Variants in CFAP70 observed in about 807,000 individuals in gnomAD.
The protein encoded by CFAP70 is cilia- and flagella-associated protein 70.
CFAP70 carries 81 observed loss-of-function variants against 137.6 expected under a neutral mutation model. That is an observed-to-expected ratio of 0.59 (90% confidence interval 0.49 to 0.71). The LOEUF is 0.71. CFAP70 is among the 30% of genes least tolerant of loss of function. CFAP70 has a pLI of 0.00. For missense variants in CFAP70, 976 were observed against 1,226.7 expected (o/e 0.80, Z 3.05); for synonymous variants, 382 against 423.6 (o/e 0.90, Z 1.20).
chr10:73,263,322 C>T (rs1388907403), intron 25 of CFAP70, among the ~76,000 whole-genome samples: 1 of 152,126 alleles, frequency 6.6e-6, no homozygotes, highest in Non-Finnish European at 1.5e-5. Context: ...TTCTTAAATT[C>T]CAGGGCTCAA....
intron 3 of CFAP70, among the ~76,000 whole-genome samples, chr10:73,349,732 C>A (rs1227116339): frequency 1.3e-5 from 2 of 152,294 alleles, no homozygotes; most frequent in South Asian, 4.1e-4. Context: ...TTCAAATACA[C>A]AAAGTAGAAT....
intron 6 of CFAP70, among the ~76,000 whole-genome samples, chr10:73,340,179 C>A (rs576743952): frequency 6.6e-6 from 1 of 152,216 alleles, no homozygotes; most frequent in Non-Finnish European, 1.5e-5. Flanking sequence ...CTCCTCTCCA[C>A]AGGCAGGGCG....
chr10:73,298,908 T>C (rs769125901), exon 14 of CFAP70: 2 of 1,613,766 alleles, frequency 1.2e-6, no homozygotes, highest in East Asian at 2.2e-5. Context: ...ATGTTTTACC[T>C]TGAGTTGTTC....
At chr10:73,269,736 T>C (rs763789005) in intron 24 of CFAP70, 21 bp from the exon 26 acceptor site, 2 of 1,531,318 alleles carry the variant, frequency 1.3e-6, no homozygotes, top group South Asian at 1.1e-5. Context: ...AAATGAGACA[T>C]GTGAGTTAGC....
At chr10:73,344,456 C>G (rs901961825) in intron 5 of CFAP70, among the ~76,000 whole-genome samples, 7 of 152,224 alleles carry the variant, frequency 4.6e-5, no homozygotes, top group Admixed American at 3.9e-4. Flanking sequence ...GATCAGCCAT[C>G]TCATTTGCCT....
At chr10:73,296,664 A>G (rs1169126091) in intron 15 of CFAP70, 1 of 155,482 alleles carries the variant, frequency 6.4e-6, no homozygotes, top group African/African-American at 2.4e-5. Flanking sequence ...CTGAAAACTC[A>G]AAGTTTTTCT....
intron 9 of CFAP70, among the ~76,000 whole-genome samples, chr10:73,320,498 A>C (rs1331694534): frequency 3.3e-5 from 5 of 151,760 alleles, no homozygotes; most frequent in Non-Finnish European, 7.4e-5. Context: ...TAATTAAAAA[A>C]AAATTTTTTT....
At chr10:73,326,682 A>G (rs1258223838) in intron 8 of CFAP70, among the ~76,000 whole-genome samples, 1 of 152,218 alleles carries the variant, frequency 6.6e-6, no homozygotes, top group African/African-American at 2.4e-5. Flanking sequence ...AGAGATACAA[A>G]CTACCATCAG....
At chr10:73,310,371 G>A in intron 11 of CFAP70, 122 bp from the exon 13 acceptor site, 1 of 541,148 alleles carries the variant, frequency 1.8e-6, no homozygotes, top group Non-Finnish European at 3.2e-6. Context: ...TACATATACA[G>A]TGTGATCTCA....
intron 23 of CFAP70, among the ~76,000 whole-genome samples, chr10:73,273,534 C>T (rs2046465528): frequency 6.6e-6 from 1 of 152,152 alleles, no homozygotes; most frequent in African/African-American, 2.4e-5. Context: ...CCTGTATCTC[C>T]AACATGAGAT....
At chr10:73,293,380 T>G in exon 16 of CFAP70, 1 of 1,596,576 alleles carries the variant, frequency 6.3e-7, no homozygotes, top group Non-Finnish European at 8.5e-7. Flanking sequence ...GGACATCATC[T>G]GGCATGGTCT....
Position 73,275,162 on chromosome 10 carries a change from G to A in CFAP70, c.2673+284C>T. 1 of 177,970 alleles carries A rather than the reference G, an allele frequency of 5.6e-6. No individual in the cohort carries two copies. The highest frequency in any genetic ancestry group is 1.7e-4 in the South Asian group (1 of 5,768). The allele number at this position is 177,970 out of a possible 1,614,324, so 11.0% of individuals were successfully genotyped here. A position where few individuals can be genotyped will look rare whatever the true frequency, so the allele number is the denominator to read the frequency against. ...GCCCATCTAATTTTTTGTATTTTTA[G>A]TAGAGATGGGGTTTCACTATGTTGG... On this transcript the variant is annotated intron_variant, in intron 22 of 26. Transcript: ENST00000310715. This position sits in a 1 kb window ranked among gnomAD's most constrained non-coding sequence, Gnocchi z 4.0.
In CFAP70 at chr10:73,325,131, G is replaced by A. The variant is rs535724782; in HGVS notation, c.778-2034C>T. Among the ~76,000 whole-genome samples the A allele has an allele frequency of 2.4e-3, 371 of 152,222 alleles. 3 individuals carry two copies. The highest frequency in any genetic ancestry group is 8.2e-3 in the African/African-American group (339 of 41,524). On this transcript the variant is annotated intron_variant, in intron 8 of 26. Coordinates refer to ENST00000310715, the Ensembl canonical transcript of CFAP70. ...AAGGGAAGCCCATCAGACTAACAGCGGATCTGTTGGCAGAAACTCTACAAG... is the reference window on the plus strand; with the variant it reads ...AAGGGAAGCCCATCAGACTAACAGCAGATCTGTTGGCAGAAACTCTACAAG...
At chr10:73,309,248 T>C (rs1329557351) in intron 12 of CFAP70, among the ~76,000 whole-genome samples, 2 of 152,158 alleles carry the variant, frequency 1.3e-5, no homozygotes, top group Non-Finnish European at 2.9e-5. Flanking sequence ...TGCGAACAAG[T>C]TGAATAACCC....
intron 25 of CFAP70, among the ~76,000 whole-genome samples, 177 bp downstream of exon 26, chr10:73,269,437 G>A (rs181983315): frequency 2.4e-3 from 370 of 152,296 alleles, no homozygotes; most frequent in African/African-American, 8.4e-3. Context: ...TTTTAAGCAT[G>A]TTCCAAGTAC....
intron 22 of CFAP70, 63 bp from the exon 24 acceptor site, chr10:73,274,657 CTTTG>C: frequency 1.5e-6 from 2 of 1,362,852 alleles, no homozygotes; most frequent in Non-Finnish European, 9.9e-7. Flanking sequence ...CCTTGATGAT[CTTTG>C]TTTAACATTT....
At chr10:73,349,460 G>A (rs1008452270) in intron 3 of CFAP70, among the ~76,000 whole-genome samples, 6 of 151,620 alleles carry the variant, frequency 4.0e-5, no homozygotes, top group Admixed American at 6.6e-5. Context: ...GGAGAATGGC[G>A]TGAACCCAGG....
chr10:73,320,410 A>G (rs1010000822), intron 9 of CFAP70, among the ~76,000 whole-genome samples: 4 of 151,708 alleles, frequency 2.6e-5, no homozygotes, highest in African/African-American at 9.7e-5. Context: ...TGCAGCCTTG[A>G]CCTCCTTGGC....
chr10:73,329,140 C>T (rs1487922263), intron 8 of CFAP70, among the ~76,000 whole-genome samples: 1 of 152,118 alleles, frequency 6.6e-6, no homozygotes, highest in Non-Finnish European at 1.5e-5. Context: ...CACATATACA[C>T]CGTGGAATAC....
Sources: gnomAD v4.1 joint callset for allele counts (sites outside exome capture counted in the v4.1 genomes callset) on GRCh38, gnomAD v4.1.1 for gene constraint, Gnocchi (gnomAD v3.1) non-coding constraint, MANE v1.5 for transcripts, NCBI Gene and HGNC (gene_info 2026-07-23, HGNC 2026-07-21) for gene names.